PPP3CA: variants seen among roughly 807,000 people sequenced by gnomAD.
The protein encoded by PPP3CA is CAM-PRP catalytic subunit.
Under a neutral mutation model 66.5 loss-of-function variants are expected in PPP3CA, and 14 were observed. That is an observed-to-expected ratio of 0.21 (90% CI 0.14 to 0.33). The LOEUF is 0.33. Ranked by LOEUF, PPP3CA falls within the 10% of genes least tolerant of loss-of-function variation. The pLI is 1.00. For missense variants in PPP3CA, 317 were observed against 639.5 expected, an observed-to-expected ratio of 0.50 and a Z score of 5.44; for synonymous variants, 232 against 226.2, an observed-to-expected ratio of 1.03 and a Z score of -0.23.
intron 2 of PPP3CA, among the ~76,000 whole-genome samples, chr4:101,168,764 T>A (rs1723774502): frequency 6.6e-6 from 1 of 152,174 alleles, no homozygotes; most frequent in Admixed American, 6.6e-5. Context: ...TAAGACCATA[T>A]ATACGTCTCC....
At chr4:101,223,967 G>A (rs1725704175) in intron 1 of PPP3CA, among the ~76,000 whole-genome samples, 1 of 151,302 alleles carries the variant, frequency 6.6e-6, no homozygotes, top group Non-Finnish European at 1.5e-5. Context: ...ATTCCAAGAG[G>A]GGAAAAAAAT....
At chr4:101,073,401 C>T (rs1474055336) in intron 8 of PPP3CA, among the ~76,000 whole-genome samples, 5 of 151,748 alleles carry the variant, frequency 3.3e-5, no homozygotes, top group Non-Finnish European at 5.9e-5. Flanking sequence ...CTCTGCCTCC[C>T]GAATAGTTGG....
At chr4:101,050,478 T>TA (rs1727961162) in intron 10 of PPP3CA, among the ~76,000 whole-genome samples, 1 of 152,162 alleles carries the variant, frequency 6.6e-6, no homozygotes, top group Non-Finnish European at 1.5e-5. Flanking sequence ...GGGCAAGTAT[T>TA]AAGTCTCTTT....
intron 10 of PPP3CA, among the ~76,000 whole-genome samples, chr4:101,054,728 G>C (rs1411199491): frequency 6.6e-6 from 1 of 151,976 alleles, no homozygotes; most frequent in Non-Finnish European, 1.5e-5. Flanking sequence ...GCAGACTATG[G>C]AAGATAATTT....
At chr4:101,155,342 G>A (rs933005702) in intron 2 of PPP3CA, among the ~76,000 whole-genome samples, 6 of 152,132 alleles carry the variant, frequency 3.9e-5, no homozygotes, top group African/African-American at 9.7e-5. Flanking sequence ...AAACAGATTC[G>A]CATTATGTAG....
intron 1 of PPP3CA, among the ~76,000 whole-genome samples, chr4:101,253,980 T>C (rs1422817078): frequency 3.9e-5 from 6 of 152,056 alleles, no homozygotes; most frequent in Non-Finnish European, 5.9e-5. Context: ...CCCACCTCCA[T>C]TCATAATCAT....
In PPP3CA at chr4:101,303,315, ACACTAGCT is replaced by A. The variant is rs1263415873; in HGVS notation, c.58+43416_58+43423del. On this transcript the variant is annotated intron_variant, in intron 1 of 13. Coordinates refer to ENST00000394854, the MANE Select transcript of PPP3CA (RefSeq NM_000944.5). ...TTCACATCCACCTCTCCAGCAAGAT[ACACTAGCT>A]CACCCTAGGGAAATATCCTTATTTT... Among the ~76,000 whole-genome samples, 6 of 152,336 alleles carry A rather than the reference ACACTAGCT, an allele frequency of 3.9e-5. No homozygotes were observed. The East Asian group carries it at 7.7e-4, about 20-fold the overall frequency.
intron 2 of PPP3CA, among the ~76,000 whole-genome samples, chr4:101,147,505 A>AG (rs1723008560): frequency 6.6e-6 from 1 of 152,216 alleles, no homozygotes; most frequent in African/African-American, 2.4e-5. Context: ...TACAGTGAAG[A>AG]GAAAAAGCTG....
chr4:101,341,599 C>T (rs1380380660), intron 1 of PPP3CA, among the ~76,000 whole-genome samples: 1 of 152,180 alleles, frequency 6.6e-6, no homozygotes, highest in Non-Finnish European at 1.5e-5. Flanking sequence ...GTTAACCACA[C>T]ACTCCCCATT....
At chr4:101,060,674 C>T (rs1259700950) in intron 10 of PPP3CA, among the ~76,000 whole-genome samples, 2 of 151,964 alleles carry the variant, frequency 1.3e-5, no homozygotes, top group Non-Finnish European at 2.9e-5. Context: ...CCTTTTTCAT[C>T]ATAAACATCA....
intron 2 of PPP3CA, among the ~76,000 whole-genome samples, chr4:101,151,059 G>C (rs1723120678): frequency 6.6e-6 from 1 of 152,116 alleles, no homozygotes; most frequent in African/African-American, 2.4e-5. Flanking sequence ...GAAGACTTTA[G>C]AATCATATAA....
At chr4:101,252,322 A>T (rs1211958883) in intron 1 of PPP3CA, among the ~76,000 whole-genome samples, 1 of 152,198 alleles carries the variant, frequency 6.6e-6, no homozygotes, top group Non-Finnish European at 1.5e-5. Context: ...GGTTTGTCTG[A>T]CATATGACTA....
chr4:101,234,006 C>T (rs1425433142), intron 1 of PPP3CA, among the ~76,000 whole-genome samples: 2 of 151,766 alleles, frequency 1.3e-5, no homozygotes, highest in Non-Finnish European at 2.9e-5. Flanking sequence ...ATTTGGTTTT[C>T]TGTTCCCACT....
chr4:101,261,342 A>G (rs1200970600), intron 1 of PPP3CA, among the ~76,000 whole-genome samples: 2 of 152,144 alleles, frequency 1.3e-5, no homozygotes, highest in African/African-American at 4.8e-5. Context: ...AAATACCATA[A>G]AAGAAGGCAA....
At chr4:101,271,844 G>A (rs1246560408) in intron 1 of PPP3CA, among the ~76,000 whole-genome samples, 8 of 152,106 alleles carry the variant, frequency 5.3e-5, no homozygotes, top group Admixed American at 4.6e-4. Context: ...CAGAATTAAC[G>A]ACACACAAAA....
At chr4:101,056,449 A>G (rs1161096718) in intron 10 of PPP3CA, among the ~76,000 whole-genome samples, 1 of 152,146 alleles carries the variant, frequency 6.6e-6, no homozygotes, top group Non-Finnish European at 1.5e-5. Flanking sequence ...CTAAATTGCT[A>G]TAGGCGCATC....
At position 101,342,990 on chromosome 4, in the gene PPP3CA, A is replaced by G. The variant is rs551085083; in HGVS notation, c.58+3749T>C. On this transcript the variant is annotated intron_variant, in intron 1 of 13. Transcript: ENST00000394854. ...ATTCTCCTATGTGTACTCTGTCTAC[A>G]TGAAGTACGTAAGCTGGCAATACAC... is the stretch of plus-strand genomic sequence containing the variant. Among the ~76,000 whole-genome samples, 14 of 152,240 alleles carry G rather than the reference A, an allele frequency of 9.2e-5. No homozygotes were observed. In the Middle Eastern group the frequency reaches 0.01, roughly 111 times the overall value.
intron 1 of PPP3CA, among the ~76,000 whole-genome samples, chr4:101,300,430 G>A (rs146421465): frequency 2.3e-4 from 35 of 152,200 alleles, no homozygotes; most frequent in African/African-American, 6.3e-4. Context: ...GCAACCTACC[G>A]GTGCAACACC....
At chr4:101,332,146 G>C (rs1729407916) in intron 1 of PPP3CA, among the ~76,000 whole-genome samples, 5 of 152,102 alleles carry the variant, frequency 3.3e-5, no homozygotes, top group Admixed American at 3.3e-4. Flanking sequence ...AAACACAGGA[G>C]AACAGACATC....
Sources: gnomAD v4.1 joint callset for allele counts (sites outside exome capture counted in the v4.1 genomes callset) on GRCh38, gnomAD v4.1.1 for gene constraint, MANE v1.5 for transcripts, NCBI Gene and HGNC (gene_info 2026-07-23, HGNC 2026-07-21) for gene names.